Variants in ANK3 observed in about 807,000 individuals in gnomAD.
ANK3 encodes ankyrin-3.
Under a neutral mutation model 370.9 loss-of-function variants are expected in ANK3, and 57 were observed. The observed-to-expected ratio is 0.15, with a 90% confidence interval of 0.12 to 0.19. The LOEUF (loss-of-function observed/expected upper bound fraction) is 0.19. Among genes scored for constraint, ANK3 ranks in the 10% least tolerant of loss-of-function variants. The probability of loss-of-function intolerance (pLI) is 1.00; values close to 1 mark genes in which losing one functional copy is unlikely to be tolerated. For synonymous variants in ANK3, 1,929 were observed against 1,946.3 expected, an observed-to-expected ratio of 0.99 and a Z score of 0.23; for missense variants, 4,439 against 5,302.1, an observed-to-expected ratio of 0.84 and a Z score of 5.06.
At chr10:60,139,231 C>T in intron 23 of ANK3, 144 bp from the exon 24 acceptor site, 5 of 1,005,010 alleles carry the variant, frequency 5.0e-6, no homozygotes, top group South Asian at 3.3e-5. Context: ...TTTTGAAACT[C>T]TCATTTAGAA....
chr10:60,129,187 T>C (rs1050922530), intron 25 of ANK3, among the ~76,000 whole-genome samples: 2 of 152,146 alleles, frequency 1.3e-5, no homozygotes, highest in Non-Finnish European at 2.9e-5. Flanking sequence ...CCAGTGAGAG[T>C]TGCCTTAAAT....
At chr10:60,684,713 C>T (rs2079245297) in intron 1 of ANK3, 135 of 1,587,198 alleles carry the variant, frequency 8.5e-5, no homozygotes, top group South Asian at 6.0e-4. Context: ...AAAACAGTCA[C>T]TTTTCACTTC....
chr10:60,436,605 C>T (rs1490962081), intron 2 of ANK3, among the ~76,000 whole-genome samples: 2 of 152,148 alleles, frequency 1.3e-5, no homozygotes, highest in Admixed American at 6.5e-5. Flanking sequence ...TATATCCTCT[C>T]TTGATAACTA....
intron 2 of ANK3, among the ~76,000 whole-genome samples, chr10:60,594,730 C>A: frequency 6.6e-6 from 1 of 151,988 alleles, no homozygotes; most frequent in East Asian, 1.9e-4. Context: ...AATTTACATT[C>A]ATAGTAATGT....
chr10:60,659,315 C>T (rs2078906869), intron 1 of ANK3, among the ~76,000 whole-genome samples: 2 of 152,154 alleles, frequency 1.3e-5, no homozygotes, highest in Admixed American at 6.5e-5. Flanking sequence ...TGACACAACT[C>T]ATCATGTTGA....
intron 7 of ANK3, among the ~76,000 whole-genome samples, chr10:60,247,259 C>T (rs181535151): frequency 1.9e-4 from 29 of 152,248 alleles, no homozygotes; most frequent in Non-Finnish European, 3.5e-4. Context: ...CCTTGTGATA[C>T]ACCCACTTTG....
chr10:60,432,035 A>G (rs1464327249), intron 2 of ANK3, among the ~76,000 whole-genome samples: 1 of 152,214 alleles, frequency 6.6e-6, no homozygotes, highest in Non-Finnish European at 1.5e-5. Flanking sequence ...AATGTGTCTG[A>G]AGAGGTGATC....
At chr10:60,633,184 A>G (rs1452373219) in intron 1 of ANK3, among the ~76,000 whole-genome samples, 1 of 152,212 alleles carries the variant, frequency 6.6e-6, no homozygotes. Flanking sequence ...TTTAGCAGGT[A>G]TGCAAAACAA....
chr10:60,694,551 A>C (rs1332620059), intron 1 of ANK3, among the ~76,000 whole-genome samples: 1 of 152,088 alleles, frequency 6.6e-6, no homozygotes, highest in Non-Finnish European at 1.5e-5. Flanking sequence ...CGGATCTCTC[A>C]GCAGAAACTC....
chr10:60,179,102 G>A (rs1253378308), intron 18 of ANK3, among the ~76,000 whole-genome samples: 1 of 152,184 alleles, frequency 6.6e-6, no homozygotes. Context: ...CCTGTGGGCT[G>A]CTTGGGGATG....
At chr10:60,558,650 T>C (rs2077263857) in intron 2 of ANK3, among the ~76,000 whole-genome samples, 1 of 152,206 alleles carries the variant, frequency 6.6e-6, no homozygotes, top group African/African-American at 2.4e-5. Context: ...ATGTTAATAA[T>C]CCAAATCCTA....
At chr10:60,443,625 A>G (rs1271609363) in intron 2 of ANK3, among the ~76,000 whole-genome samples, 1 of 152,112 alleles carries the variant, frequency 6.6e-6, no homozygotes, top group Non-Finnish European at 1.5e-5. Flanking sequence ...ATTTTTTCCT[A>G]GGGAATATTG....
At chr10:60,615,916 C>T (rs1256280479) in intron 1 of ANK3, among the ~76,000 whole-genome samples, 1 of 152,164 alleles carries the variant, frequency 6.6e-6, no homozygotes, top group Non-Finnish European at 1.5e-5. Context: ...ATACCTTTAG[C>T]TCATTTCCTA....
chr10:60,574,657 C>G (rs557064448), intron 2 of ANK3, among the ~76,000 whole-genome samples: 1 of 152,116 alleles, frequency 6.6e-6, no homozygotes, highest in Non-Finnish European at 1.5e-5. Flanking sequence ...CTGCTTCTAC[C>G]GCTCATTGAC....
chr10:60,466,735 G>T (rs2065020590), intron 2 of ANK3, among the ~76,000 whole-genome samples: 1 of 152,098 alleles, frequency 6.6e-6, no homozygotes, highest in Non-Finnish European at 1.5e-5. Context: ...GCCATTAAAA[G>T]AATGAAATAC....
chr10:60,161,061 A>G (rs2095486474), intron 23 of ANK3, among the ~76,000 whole-genome samples: 1 of 152,216 alleles, frequency 6.6e-6, no homozygotes, highest in Admixed American at 6.5e-5. Flanking sequence ...ATGAGAAAGA[A>G]ATAAAGGACA....
intron 16 of ANK3, among the ~76,000 whole-genome samples, chr10:60,194,869 A>C (rs1386110080): frequency 4.6e-5 from 7 of 152,170 alleles, no homozygotes. Context: ...AATTCTGGAG[A>C]GGATGGGGCA....
intron 1 of ANK3, among the ~76,000 whole-genome samples, chr10:60,654,132 C>T (rs1018834909): frequency 6.6e-6 from 1 of 152,072 alleles, no homozygotes; most frequent in Non-Finnish European, 1.5e-5. Flanking sequence ...TTTATTGCTA[C>T]TATATAGAGA....
chr10:60,470,888 A>C (rs2065201561), intron 2 of ANK3, among the ~76,000 whole-genome samples: 1 of 152,210 alleles, frequency 6.6e-6, no homozygotes, highest in African/African-American at 2.4e-5. Context: ...AATTAAAAGC[A>C]GTCATCCTTT....
Sources: gnomAD v4.1 joint callset for allele counts (sites outside exome capture counted in the v4.1 genomes callset) on GRCh38, gnomAD v4.1.1 for gene constraint, MANE v1.5 for transcripts, NCBI Gene and HGNC (gene_info 2026-07-23, HGNC 2026-07-21) for gene names.